Variants in ERCC8 observed in about 807,000 individuals in gnomAD.
ERCC8 encodes ERCC excision repair 8, CSA ubiquitin ligase complex subunit.
A neutral mutation model predicts 54.9 loss-of-function variants in ERCC8; 52 were observed. The ratio of observed to expected loss-of-function variants is 0.95; its 90% CI spans 0.76 to 1.19. ERCC8 has a LOEUF of 1.19. ERCC8 is among the 50% of genes most tolerant of loss of function. ERCC8 has a pLI of 0.00. For synonymous variants in ERCC8, 146 were observed against 157.2 expected (o/e 0.93, Z 0.53); for missense variants, 514 against 466.1 (o/e 1.10, Z -0.95).
chr5:60,937,122 G>GTGAT (rs1750090013), intron 1 of ERCC8, among the ~76,000 whole-genome samples: 1 of 152,242 alleles, frequency 6.6e-6, no homozygotes, highest in Non-Finnish European at 1.5e-5. Flanking sequence ...GTCCTGTGAT[G>GTGAT]TGATCTGTCT....
At chr5:60,893,152 A>G in intron 9 of ERCC8, 1 of 881,070 alleles carries the variant, frequency 1.1e-6, no homozygotes, top group Non-Finnish European at 1.9e-6. Flanking sequence ...AAGCAGCAGC[A>G]GCAGCCTAAT....
rs1307368502 is a variant in ERCC8 at position 60,870,740 on chromosome 5, AG to A, written c.*3874del. On this transcript the variant is annotated 3_prime_UTR_variant, in exon 12 of 12. Coordinates refer to ENST00000676185, the MANE Select transcript of ERCC8 (RefSeq NM_000082.4). Reference sequence around the variant, plus strand: ...TTTTTAGATAATCCAAAAAAGAAGAAGGAAAAAGGAGAAGCAACAATTAGAC... The same window carrying A: ...TTTTTAGATAATCCAAAAAAGAAGAAGAAAAAGGAGAAGCAACAATTAGAC... Among the ~76,000 whole-genome samples, 2 of 151,930 alleles carry A rather than the reference AG, an allele frequency of 1.3e-5. No homozygotes were observed. Among genetic ancestry groups the A allele is most frequent in the African/African-American group, 4.8e-5 (2 of 41,406 alleles).
intron 5 of ERCC8, among the ~76,000 whole-genome samples, 142 bp downstream of exon 5, chr5:60,904,628 GTGTGTGTATATATATATATATA>G (rs1432777129): frequency 0.016 from 1,118 of 67,792 alleles, 54 homozygotes; most frequent in African/African-American, 0.046. Context: ...TATAGTGTGT[GTGTGTGTATATATATATATATA>G]TATATATATA....
chr5:60,892,940 A>G (rs1263953538), intron 9 of ERCC8: 9 of 754,762 alleles, frequency 1.2e-5, no homozygotes, highest in Non-Finnish European at 2.2e-5. Flanking sequence ...CAAGGCAGCA[A>G]TAGTTCCCCA....
At chr5:60,908,359 G>C (rs73112261) in intron 4 of ERCC8, among the ~76,000 whole-genome samples, 2,556 of 151,862 alleles carry the variant, frequency 0.017, 79 homozygotes, top group African/African-American at 0.06. Context: ...TGTATATTCA[G>C]TGTAGACCTC....
At chr5:60,911,337 CTGATGACGAG>C (rs973636849) in intron 4 of ERCC8, among the ~76,000 whole-genome samples, 1 of 152,106 alleles carries the variant, frequency 6.6e-6, no homozygotes. Context: ...TTGCATTTCT[CTGATGACGAG>C]TGATGACGAG....
chr5:60,898,054 A>G (rs1368280390), intron 9 of ERCC8, among the ~76,000 whole-genome samples: 1 of 152,196 alleles, frequency 6.6e-6, no homozygotes. Flanking sequence ...ACAGTGGCTC[A>G]GTAGAACAGT....
chr5:60,910,263 C>A (rs1749219299), intron 4 of ERCC8, among the ~76,000 whole-genome samples: 1 of 152,098 alleles, frequency 6.6e-6, no homozygotes, highest in East Asian at 1.9e-4. Context: ...TTTTTACTTA[C>A]CAATATCACA....
intron 11 of ERCC8, among the ~76,000 whole-genome samples, chr5:60,885,158 T>A (rs1202694632): frequency 6.6e-6 from 1 of 151,974 alleles, no homozygotes; most frequent in Non-Finnish European, 1.5e-5. Context: ...ACTATAAGTG[T>A]AAAGCCACCA....
At chr5:60,905,165 G>A (rs999562535) in intron 4 of ERCC8, among the ~76,000 whole-genome samples, 2 of 152,112 alleles carry the variant, frequency 1.3e-5, no homozygotes, top group African/African-American at 4.8e-5. Flanking sequence ...CTGGTGGGGA[G>A]GGGGCTCAGC....
chr5:60,881,785 A>G lies in ERCC8; in HGVS notation c.1122+5655T>C, dbSNP rs1013079232. Reference sequence around the variant, plus strand: ...CCCCTTTCTGTGACTAAGAAAGGGAATTCCCTGACCCCTTGTGCTTCCCAG... The same window carrying G: ...CCCCTTTCTGTGACTAAGAAAGGGAGTTCCCTGACCCCTTGTGCTTCCCAG... On this transcript the variant is annotated intron_variant, in intron 11 of 11. Transcript: ENST00000676185. 2.0e-4 allele frequency among the ~76,000 whole-genome samples: 30 copies of G among 152,226 alleles called. 2 individuals carry two copies. In the East Asian group the frequency reaches 2.1e-3, roughly 11 times the overall value.
chr5:60,889,176 C>T (rs560198313), intron 10 of ERCC8, among the ~76,000 whole-genome samples: 1 of 152,124 alleles, frequency 6.6e-6, no homozygotes, highest in Non-Finnish European at 1.5e-5. Flanking sequence ...TTAGATTATT[C>T]GATGAAGGTG....
chr5:60,905,261 T>C (rs1412805744), intron 4 of ERCC8, among the ~76,000 whole-genome samples: 8 of 141,210 alleles, frequency 5.7e-5, no homozygotes, highest in African/African-American at 2.1e-4. Flanking sequence ...CTACCTAGAA[T>C]TGCCCCTTCT....
intron 9 of ERCC8, chr5:60,891,906 C>T (rs183902719): frequency 9.2e-4 from 441 of 480,506 alleles, no homozygotes; most frequent in Non-Finnish European, 1.6e-3. Context: ...GTGCTTGGAT[C>T]GGAAGGGAAG....
intron 11 of ERCC8, among the ~76,000 whole-genome samples, chr5:60,878,549 G>C (rs1483958413): frequency 3.9e-5 from 6 of 152,130 alleles, no homozygotes; most frequent in African/African-American, 1.4e-4. Flanking sequence ...CAATTTCAGA[G>C]CCTGTTATTG....
At chr5:60,918,947 G>A (rs1261001519) in intron 3 of ERCC8, among the ~76,000 whole-genome samples, 5 of 151,948 alleles carry the variant, frequency 3.3e-5, no homozygotes, top group African/African-American at 7.2e-5. Context: ...ACTCTATGAC[G>A]TCAGCTACAA....
At chr5:60,913,092 T>C (rs1392800257) in intron 4 of ERCC8, among the ~76,000 whole-genome samples, 1 of 152,144 alleles carries the variant, frequency 6.6e-6, no homozygotes, top group Non-Finnish European at 1.5e-5. Context: ...GTTATCAGGA[T>C]GATGCTGGCC....
chr5:60,936,613 A>G lies in ERCC8; in HGVS notation c.78-7654T>C, dbSNP rs182456450. ...CCAGTTCCTTGAGGTATGCCCTTAG[A>G]TTGTCTGTCTGTGCTGTTTCAGACT... is the stretch of plus-strand genomic sequence containing the variant. On this transcript the variant is annotated intron_variant, in intron 1 of 11. Transcript: ENST00000676185. Among the ~76,000 whole-genome samples the G allele has an allele frequency of 4.5e-3, 677 of 151,764 alleles. 1 individual carries two copies. The highest frequency in any genetic ancestry group is 6.8e-3 in the Non-Finnish European group (462 of 67,938).
intron 1 of ERCC8, among the ~76,000 whole-genome samples, chr5:60,939,371 T>C (rs1750188493): frequency 2.0e-5 from 3 of 152,370 alleles, no homozygotes; most frequent in Admixed American, 2.0e-4. Flanking sequence ...CGTTCTTTCC[T>C]AATTTTTTTC....
Sources: allele counts gnomAD v4.1 joint callset (sites outside exome capture counted in the v4.1 genomes callset), GRCh38; gene constraint gnomAD v4.1.1; transcripts MANE v1.5; gene names NCBI Gene and HGNC (gene_info 2026-07-23, HGNC 2026-07-21).